CA10: variants seen among roughly 807,000 people sequenced by gnomAD.
The protein encoded by CA10 is carbonic anhydrase 10 (inactive), also known as carbonic anhydrase-related protein 10.
Under a neutral mutation model 44.2 loss-of-function variants are expected in CA10, and 14 were observed. The ratio of observed to expected loss-of-function variants is 0.32; its 90% CI spans 0.21 to 0.50. CA10 has a LOEUF of 0.50. Among genes scored for constraint, CA10 ranks in the 20% least tolerant of loss-of-function variants. The probability of loss-of-function intolerance (pLI) is 0.99; values close to 1 mark genes in which losing one functional copy is unlikely to be tolerated. For synonymous variants in CA10, 159 were observed against 141.6 expected (o/e 1.12, Z -0.87); for missense variants, 350 against 409.7 (o/e 0.85, Z 1.26).
chr17:51,691,155 C>T (rs961881708), intron 4 of CA10, among the ~76,000 whole-genome samples: 5 of 152,154 alleles, frequency 3.3e-5, no homozygotes, highest in South Asian at 2.1e-4. Context: ...ATACTGTTTC[C>T]GTAATGGCTG....
intron 1 of CA10, among the ~76,000 whole-genome samples, chr17:52,097,478 T>C (rs1988432150): frequency 6.6e-6 from 1 of 152,190 alleles, no homozygotes; most frequent in African/African-American, 2.4e-5. Context: ...AACCAATTTC[T>C]CTTGCACTTC....
intron 1 of CA10, among the ~76,000 whole-genome samples, chr17:52,083,777 T>TC (rs1988044750): frequency 6.6e-6 from 1 of 152,216 alleles, no homozygotes; most frequent in African/African-American, 2.4e-5. Flanking sequence ...TATTCCACGG[T>TC]ATGGATATAC....
chr17:51,674,258 T>C (rs1023035514), intron 4 of CA10, among the ~76,000 whole-genome samples: 3 of 152,212 alleles, frequency 2.0e-5, no homozygotes, highest in Non-Finnish European at 4.4e-5. Flanking sequence ...TTGATATAGA[T>C]GATTTTTCTG....
chr17:51,971,070 A>C (rs1469330503), intron 2 of CA10, among the ~76,000 whole-genome samples: 3 of 152,112 alleles, frequency 2.0e-5, no homozygotes, highest in African/African-American at 7.2e-5. Context: ...CTATGAAAGA[A>C]ATTCCAGATC....
At chr17:51,828,502 T>C (rs569000011) in intron 3 of CA10, among the ~76,000 whole-genome samples, 2 of 152,234 alleles carry the variant, frequency 1.3e-5, no homozygotes, top group South Asian at 4.2e-4. Context: ...ATGTTTTATG[T>C]GGGGCTTGGC....
intron 3 of CA10, among the ~76,000 whole-genome samples, chr17:51,805,279 G>T (rs980329337): frequency 6.6e-6 from 1 of 152,170 alleles, no homozygotes; most frequent in Non-Finnish European, 1.5e-5. Context: ...AACATATTAT[G>T]CAGCTACTGT....
At chr17:51,918,114 G>T (rs538821161) in intron 3 of CA10, among the ~76,000 whole-genome samples, 2 of 152,158 alleles carry the variant, frequency 1.3e-5, no homozygotes, top group African/African-American at 2.4e-5. Context: ...AATAAATGAC[G>T]TGAGAGTCAA....
At chr17:51,958,433 A>C (rs751907650) in intron 2 of CA10, among the ~76,000 whole-genome samples, 1 of 152,172 alleles carries the variant, frequency 6.6e-6, no homozygotes, top group Non-Finnish European at 1.5e-5. Context: ...TACTGGATTC[A>C]TTACCTTTCC....
At position 51,888,837 on chromosome 17, in the gene CA10, GTTAT is replaced by G. The variant is rs558167389; in HGVS notation, c.279+42149_279+42152del. 1.9e-3 allele frequency among the ~76,000 whole-genome samples: 293 copies of G among 152,276 alleles called. 1 individual carries two copies. Among genetic ancestry groups the G allele is most frequent in the African/African-American group, 6.9e-3 (286 of 41,560 alleles). On this transcript the variant is annotated intron_variant, in intron 3 of 8. Coordinates refer to ENST00000451037, the MANE Select transcript of CA10 (RefSeq NM_020178.5). ...CTTCAAAATTCAGTGGCTTAAAATA[GTTAT>G]TTATTATTATAACTCATGGTTCCAT...
intron 3 of CA10, among the ~76,000 whole-genome samples, chr17:51,897,507 C>A (rs1197154857): frequency 1.3e-5 from 2 of 152,108 alleles, no homozygotes; most frequent in African/African-American, 4.8e-5. Context: ...GTAATGCCTG[C>A]AGCTTTGTTC....
At chr17:51,967,341 T>TAC (rs138371046) in intron 2 of CA10, among the ~76,000 whole-genome samples, 4 of 150,342 alleles carry the variant, frequency 2.7e-5, no homozygotes, top group Non-Finnish European at 5.9e-5. Context: ...GAGATATATA[T>TAC]ATATATATAT....
chr17:51,975,986 T>C (rs1984450591), intron 2 of CA10, among the ~76,000 whole-genome samples: 1 of 151,908 alleles, frequency 6.6e-6, no homozygotes, highest in Admixed American at 6.6e-5. Context: ...ATCATGAAGA[T>C]GTTAATCATG....
At chr17:52,111,440 C>T (rs1222968803) in intron 1 of CA10, among the ~76,000 whole-genome samples, 1 of 152,156 alleles carries the variant, frequency 6.6e-6, no homozygotes, top group Non-Finnish European at 1.5e-5. Flanking sequence ...TTTTTCTTCT[C>T]CTTGACAAGC....
rs113630054 is a variant in CA10 at position 51,703,348 on chromosome 17, T to G, written c.465+44285A>C. 4.2e-3 allele frequency among the ~76,000 whole-genome samples: 643 copies of G among 152,158 alleles called. 4 individuals carry two copies. Among genetic ancestry groups the G allele is most frequent in the Middle Eastern group, 0.01 (3 of 294 alleles). ...TTGGAATATCATTATCTTTCCATGA[T>G]AATATCTTTCCATGGAAAGATAATG... On this transcript the variant is annotated intron_variant, in intron 4 of 8. Coordinates refer to ENST00000451037, the MANE Select transcript of CA10 (RefSeq NM_020178.5).
chr17:52,064,832 G>GT (rs1386493027), intron 2 of CA10, among the ~76,000 whole-genome samples: 2 of 152,194 alleles, frequency 1.3e-5, no homozygotes, highest in Non-Finnish European at 2.9e-5. Flanking sequence ...GCAGCAATGA[G>GT]TTCCTCTATT....
intron 1 of CA10, among the ~76,000 whole-genome samples, chr17:52,130,669 G>A (rs780899443): frequency 5.3e-5 from 8 of 152,074 alleles, no homozygotes; most frequent in Non-Finnish European, 1.2e-4. Flanking sequence ...GGAGATGGCG[G>A]TCAAAGGATA....
intron 3 of CA10, among the ~76,000 whole-genome samples, chr17:51,927,891 T>G (rs2143987128): frequency 6.6e-6 from 1 of 152,280 alleles, no homozygotes; most frequent in East Asian, 1.9e-4. Flanking sequence ...TAGCTTTAAC[T>G]AGAATGGATT....
chr17:51,693,753 G>C (rs538197045), intron 4 of CA10, among the ~76,000 whole-genome samples: 4 of 152,218 alleles, frequency 2.6e-5, no homozygotes, highest in Non-Finnish European at 5.9e-5. Context: ...CTAATGGGGG[G>C]CCCCTAGGTT....
At chr17:52,010,070 G>A (rs1393420144) in intron 2 of CA10, among the ~76,000 whole-genome samples, 2 of 151,914 alleles carry the variant, frequency 1.3e-5, no homozygotes, top group Non-Finnish European at 2.9e-5. Context: ...ACTCCTGCTA[G>A]AATGGCCATA....
Sources: gnomAD v4.1 joint callset for allele counts (sites outside exome capture counted in the v4.1 genomes callset) on GRCh38, gnomAD v4.1.1 for gene constraint, MANE v1.5 for transcripts, NCBI Gene and HGNC (gene_info 2026-07-23, HGNC 2026-07-21) for gene names.